Variants in PARD3 observed in about 807,000 individuals in gnomAD.
The protein encoded by PARD3 is partitioning defective 3 homolog.
Under a neutral mutation model 155.4 loss-of-function variants are expected in PARD3, and 75 were observed. That is an observed-to-expected ratio of 0.48 (90% CI 0.40 to 0.58). The LOEUF is 0.58. Among genes scored for constraint, PARD3 ranks in the 20% least tolerant of loss-of-function variants. The probability of loss-of-function intolerance (pLI) is 0.00; values close to 1 mark genes in which losing one functional copy is unlikely to be tolerated. For missense variants in PARD3, 1,642 were observed against 1,721.7 expected, an observed-to-expected ratio of 0.95 and a Z score of 0.82; for synonymous variants, 576 against 610.5, an observed-to-expected ratio of 0.94 and a Z score of 0.83.
At chr10:34,193,668 G>A (rs1318762936) in intron 22 of PARD3, among the ~76,000 whole-genome samples, 1 of 152,166 alleles carries the variant, frequency 6.6e-6, no homozygotes, top group Non-Finnish European at 1.5e-5. Flanking sequence ...AGTTTATTCT[G>A]TATGACTTTC....
intron 22 of PARD3, among the ~76,000 whole-genome samples, chr10:34,220,881 C>T (rs567169390): frequency 2.0e-5 from 3 of 152,156 alleles, no homozygotes; most frequent in South Asian, 2.1e-4. Flanking sequence ...TTGGTACCCA[C>T]GCATTACATC....
At chr10:34,180,550 T>G (rs1950224404) in intron 22 of PARD3, among the ~76,000 whole-genome samples, 1 of 152,306 alleles carries the variant, frequency 6.6e-6, no homozygotes, top group South Asian at 2.1e-4. Flanking sequence ...AACATAAAAA[T>G]GATTTAACAC....
intron 2 of PARD3, among the ~76,000 whole-genome samples, chr10:34,559,783 C>T (rs1769415656): frequency 6.6e-6 from 1 of 151,946 alleles, no homozygotes; most frequent in Admixed American, 6.6e-5. Context: ...TTGACCTTAC[C>T]TACTTGATGA....
chr10:34,798,940 AAGAGCTTTAC>A (rs1842586995), intron 1 of PARD3, among the ~76,000 whole-genome samples: 1 of 152,200 alleles, frequency 6.6e-6, no homozygotes, highest in Non-Finnish European at 1.5e-5. Flanking sequence ...GAGCTTCCTG[AAGAGCTTTAC>A]AGAAACACCA....
chr10:34,128,988 T>C (rs546410073), intron 23 of PARD3, among the ~76,000 whole-genome samples: 80 of 152,176 alleles, frequency 5.3e-4, no homozygotes, highest in Non-Finnish European at 9.4e-4. Context: ...AAAGGTGCTG[T>C]TCTGTGGACC....
At chr10:34,239,873 A>C (rs1009988313) in intron 22 of PARD3, among the ~76,000 whole-genome samples, 18 of 152,202 alleles carry the variant, frequency 1.2e-4, no homozygotes, top group African/African-American at 4.3e-4. Flanking sequence ...TATTATCTGA[A>C]AATGAAAAAA....
chr10:34,464,880 C>T (rs528687588), intron 4 of PARD3, among the ~76,000 whole-genome samples: 2 of 152,170 alleles, frequency 1.3e-5, no homozygotes, highest in African/African-American at 4.8e-5. Flanking sequence ...CATTACTACT[C>T]ATCTTCAAAA....
chr10:34,641,617 G>T (rs2092681125), intron 2 of PARD3, among the ~76,000 whole-genome samples: 1 of 151,936 alleles, frequency 6.6e-6, no homozygotes, highest in Admixed American at 6.6e-5. Flanking sequence ...AGTCCTCATG[G>T]CCCAGCACCC....
chr10:34,615,789 T>C (rs1272779468), intron 2 of PARD3, among the ~76,000 whole-genome samples: 2 of 152,082 alleles, frequency 1.3e-5, no homozygotes, highest in African/African-American at 4.8e-5. Context: ...ATGATCTAAA[T>C]AGAGAGTTCT....
intron 3 of PARD3, among the ~76,000 whole-genome samples, chr10:34,506,872 T>C (rs1207247869): frequency 6.6e-6 from 1 of 152,196 alleles, no homozygotes; most frequent in African/African-American, 2.4e-5. Context: ...ATTTTATTGG[T>C]GTTATTTAAA....
intron 2 of PARD3, among the ~76,000 whole-genome samples, chr10:34,692,994 CAAT>C (rs1356871624): frequency 5.3e-5 from 8 of 152,156 alleles, no homozygotes; most frequent in African/African-American, 1.7e-4. Flanking sequence ...ATCAAAACCA[CAAT>C]GAGACACCAC....
chr10:34,565,576 T>C (rs2085868463), intron 2 of PARD3, among the ~76,000 whole-genome samples: 1 of 152,262 alleles, frequency 6.6e-6, no homozygotes, highest in East Asian at 1.9e-4. Flanking sequence ...GGGACACTTT[T>C]ATCTTAACTC....
intron 1 of PARD3, among the ~76,000 whole-genome samples, chr10:34,704,159 G>A (rs2094328127): frequency 6.6e-6 from 1 of 152,154 alleles, no homozygotes; most frequent in South Asian, 2.1e-4. Flanking sequence ...GGCACTGAAA[G>A]AGTACCCAAT....
At chr10:34,177,023 G>T (rs939905702) in intron 22 of PARD3, among the ~76,000 whole-genome samples, 5 of 150,490 alleles carry the variant, frequency 3.3e-5, no homozygotes, top group Admixed American at 3.3e-4. Context: ...ATGTGTGTTT[G>T]TGTGTCGGTG....
rs370030135 is a variant in PARD3 at position 34,606,697 on chromosome 10, T to C, written c.223-89538A>G. ...TCAATAAGACAGCTCTGGCTGGGCA[T>C]GGTGGCTCACGCCTGTAATCCCAGC... is the stretch of plus-strand genomic sequence containing the variant. On this transcript the variant is annotated intron_variant, in intron 2 of 24. Coordinates refer to ENST00000374788, the MANE Select transcript of PARD3 (RefSeq NM_001184785.2). Among the ~76,000 whole-genome samples, 358 of 145,970 alleles carry C rather than the reference T, an allele frequency of 2.5e-3. 3 individuals are homozygous for C. Among genetic ancestry groups the C allele is most frequent in the South Asian group, 4.8e-3 (22 of 4,600 alleles).
chr10:34,594,124 C>G (rs1365907142), intron 2 of PARD3, among the ~76,000 whole-genome samples: 2 of 152,148 alleles, frequency 1.3e-5, no homozygotes, highest in African/African-American at 4.8e-5. Context: ...TCAGAGAAAG[C>G]AAGGGTTTAT....
At chr10:34,642,107 T>C (rs542681853) in intron 2 of PARD3, among the ~76,000 whole-genome samples, 1 of 151,974 alleles carries the variant, frequency 6.6e-6, no homozygotes, top group Admixed American at 6.5e-5. Flanking sequence ...GCACGGCCCC[T>C]GTCCACCCTG....
chr10:34,301,148 T>C (rs147201230), intron 20 of PARD3, among the ~76,000 whole-genome samples: 206 of 152,328 alleles, frequency 1.4e-3, no homozygotes, highest in South Asian at 3.5e-3. Flanking sequence ...GGATATGCGA[T>C]GTTCTCAACT....
intron 4 of PARD3, among the ~76,000 whole-genome samples, chr10:34,466,449 A>G (rs1449640010): frequency 6.6e-6 from 1 of 152,172 alleles, no homozygotes; most frequent in Non-Finnish European, 1.5e-5. Flanking sequence ...CTGCTTAGAA[A>G]CAAGATTTTA....
Sources: gnomAD v4.1 joint callset for allele counts (sites outside exome capture counted in the v4.1 genomes callset) on GRCh38, gnomAD v4.1.1 for gene constraint, MANE v1.5 for transcripts, NCBI Gene and HGNC (gene_info 2026-07-23, HGNC 2026-07-21) for gene names.